Variants in CTSA observed in about 807,000 individuals in gnomAD.
CTSA encodes cathepsin A.
In CTSA, 42 loss-of-function variants were observed where a neutral mutation model predicts 66.7. The observed-to-expected ratio is 0.63, with a 90% CI of 0.49 to 0.81. CTSA has a LOEUF of 0.81. Ranked by LOEUF, CTSA falls within the 40% of genes least tolerant of loss-of-function variation. The probability of loss-of-function intolerance (pLI) is 0.00; values close to 1 mark genes in which losing one functional copy is unlikely to be tolerated. For missense variants in CTSA, 525 were observed against 610.9 expected (o/e 0.86, Z 1.48); for synonymous variants, 225 against 248.6 (o/e 0.91, Z 0.89).
At chr20:45,894,569 C>A in intron 8 of CTSA, 81 bp from the exon 9 acceptor site, 1 of 1,235,952 alleles carries the variant, frequency 8.1e-7, no homozygotes, top group Non-Finnish European at 1.2e-6. Flanking sequence ...AATCCAAGAG[C>A]AGTAAATCTT....
Position 45,892,783 on chromosome 20 carries a change from A to G in CTSA, c.503A>G (p.Lys168Arg), listed in dbSNP as rs764107117. 1 of 1,614,180 alleles carries G rather than the reference A, an allele frequency of 6.2e-7. No homozygotes were observed. Among genetic ancestry groups the G allele is most frequent in the Non-Finnish European group, 8.5e-7 (1 of 1,180,036 alleles). Residue 168 changes from lysine to arginine, a missense_variant, in exon 6 of 15, where the codon AAG (lysine) becomes AGG (arginine). Lys to Arg is a conservative substitution (Grantham distance 26). This residue lies in a region of CTSA where 246 missense variants were observed against 267.4 expected (regional missense o/e 0.92). Coordinates refer to ENST00000646241, the MANE Select transcript of CTSA (RefSeq NM_000308.4). The stretch of plus-strand genomic sequence containing the variant: ...TTCTTCCGCCTCTTTCCGGAGTACA[A>G]GAACAACAAACTTTTCCTGACCGGG... Reference protein sequence around the residue: ...QDFFRLFPEYKNNKLFLTGES... With the variant: ...QDFFRLFPEYRNNKLFLTGES...
At chr20:45,895,266 C>T (rs750248333) in intron 11 of CTSA, 133 bp downstream of exon 11, 12 of 1,007,822 alleles carry the variant, frequency 1.2e-5, no homozygotes, top group Non-Finnish European at 1.7e-5. Context: ...AACATCCATC[C>T]CTGACCCCTC....
rs1445209447 is a variant in CTSA at position 45,898,299 on chromosome 20, C to T, written c.1360-68C>T. The T allele has an allele frequency of 4.2e-6, 6 of 1,430,564 alleles. No individual in the cohort carries two copies. The highest frequency in any genetic ancestry group is 5.8e-6 in the Non-Finnish European group (6 of 1,026,092). 88.6% of individuals were successfully genotyped at this position (1,430,564 alleles called of 1,614,324 possible). On this transcript the variant is annotated intron_variant, in intron 14 of 14. Coordinates refer to ENST00000646241, the MANE Select transcript of CTSA (RefSeq NM_000308.4). The surrounding 1 kb of genome is among the most constrained non-coding windows in gnomAD (Gnocchi z 4.6). ...AAGGGTTTGGGATGAAGGAATTGCCCCCGAGTGAGCAGTTATATGGGGAGG... is the reference window on the plus strand; with the variant it reads ...AAGGGTTTGGGATGAAGGAATTGCCTCCGAGTGAGCAGTTATATGGGGAGG...
At chr20:45,892,075 G>C in intron 3 of CTSA, 48 bp downstream of exon 3, 1 of 1,561,076 alleles carries the variant, frequency 6.4e-7, no homozygotes, top group Non-Finnish European at 8.8e-7. Context: ...TAAAAGGCTG[G>C]GGAAAGCGAG....
At position 45,898,508 on chromosome 20, in the gene CTSA, G is replaced by A; in HGVS notation, c.*58G>A. On this transcript the variant is annotated 3_prime_UTR_variant, in exon 15 of 15. Transcript: ENST00000646241. The surrounding 1 kb of genome is among the most constrained non-coding windows in gnomAD (Gnocchi z 4.6). ...AGCCCCTCCCAGCCTCTCCCGCTAG[G>A]AGAGTCCTCTTCTAAGCAAAGTGCC... The A allele has an allele frequency of 2.0e-6, 3 of 1,536,500 alleles. No homozygotes were observed. The highest frequency in any genetic ancestry group is 2.3e-5 in the South Asian group (2 of 88,872).
chr20:45,897,915 G>A (rs2083128193), intron 13 of CTSA, 90 bp from the exon 14 acceptor site: 2 of 1,545,734 alleles, frequency 1.3e-6, no homozygotes, highest in Middle Eastern at 1.7e-4. Context: ...CAGAGGGCAA[G>A]TGTGGAGGAA....
chr20:45,896,886 T>C, intron 11 of CTSA, 79 bp from the exon 12 acceptor site: 1 of 1,162,126 alleles, frequency 8.6e-7, no homozygotes, highest in Non-Finnish European at 1.3e-6. Flanking sequence ...AGCTTGGAGA[T>C]AGGAGAGAAG....
chr20:45,897,075 C>A, intron 12 of CTSA, 35 bp downstream of exon 12: 1 of 1,524,194 alleles, frequency 6.6e-7, no homozygotes, highest in Non-Finnish European at 9.1e-7. Flanking sequence ...TCACCAGCAG[C>A]CTTAGGACCC....
At chr20:45,895,271 C>CCA in intron 11 of CTSA, 138 bp downstream of exon 11, 1 of 976,662 alleles carries the variant, frequency 1.0e-6, no homozygotes, top group Non-Finnish European at 1.6e-6. Context: ...CCATCCCTGA[C>CCA]CCCTCAGTGG....
chr20:45,896,053 G>C (rs1332542083), intron 11 of CTSA, among the ~76,000 whole-genome samples: 4 of 152,162 alleles, frequency 2.6e-5, no homozygotes, highest in Non-Finnish European at 5.9e-5. Context: ...CAATTAGCCA[G>C]GTGTGCTGTT....
chr20:45,897,081 G>A (rs1190596309), intron 12 of CTSA, 41 bp downstream of exon 12: 8 of 1,507,460 alleles, frequency 5.3e-6, no homozygotes, highest in Non-Finnish European at 7.4e-6. Flanking sequence ...GCAGCCTTAG[G>A]ACCCCAGAGT....
Position 45,893,977 on chromosome 20 carries a change from A to G in CTSA, c.693-11A>G. 6.3e-7 allele frequency: 1 copy of G among 1,580,936 alleles called. No individual in the cohort carries two copies. The highest frequency in any genetic ancestry group is 8.7e-7 in the Non-Finnish European group (1 of 1,150,780). On this transcript the variant is annotated splice_polypyrimidine_tract_variant and intron_variant, in intron 7 of 14. Transcript: ENST00000646241. Reference sequence around the variant, plus strand: ...AGCAGCTGATGCGCTTTTCACTCTCATCTCCTACAGGCTTTGGTCTTCTCT... The same window carrying G: ...AGCAGCTGATGCGCTTTTCACTCTCGTCTCCTACAGGCTTTGGTCTTCTCT...
intron 6 of CTSA, 47 bp downstream of exon 6, chr20:45,892,927 C>T (rs879827460): frequency 5.0e-6 from 8 of 1,606,962 alleles, no homozygotes; most frequent in Non-Finnish European, 6.0e-6. Flanking sequence ...GAGGCTGTGG[C>T]CTTACAGTTA....
At chr20:45,897,867 G>A in intron 13 of CTSA, 61 bp downstream of exon 13, 1 of 1,503,844 alleles carries the variant, frequency 6.6e-7, no homozygotes, top group Non-Finnish European at 9.3e-7. Flanking sequence ...GAGCGGGTAT[G>A]CCTGGGAGTG....
Position 45,898,247 on chromosome 20 carries a change from G to T in CTSA, c.1360-120G>T. 7.7e-7 allele frequency: 1 copy of T among 1,300,676 alleles called. No individual in the cohort carries two copies. The highest frequency in any genetic ancestry group is 1.1e-6 in the Non-Finnish European group (1 of 915,818). 80.6% of individuals were successfully genotyped at this position (1,300,676 alleles called of 1,614,324 possible). A position where few individuals can be genotyped will look rare whatever the true frequency, so the allele number is the denominator to read the frequency against. ...CTGTATGGGCAAGTTTTTTTGGAGA[G>T]GGGTGGGGAGGGTTCTGGGAAGAAT... On this transcript the variant is annotated intron_variant, in intron 14 of 14. Coordinates refer to ENST00000646241, the MANE Select transcript of CTSA (RefSeq NM_000308.4). The surrounding 1 kb of genome is among the most constrained non-coding windows in gnomAD (Gnocchi z 4.6).
At chr20:45,892,186 C>T in intron 3 of CTSA, 87 bp from the exon 4 acceptor site, 5 of 1,486,818 alleles carry the variant, frequency 3.4e-6, no homozygotes, top group Non-Finnish European at 4.7e-6. Context: ...AGAGGTTTTA[C>T]CCACATGTAA....
In CTSA at chr20:45,895,006, T is replaced by C. The variant is rs1486713895; in HGVS notation, c.961T>C (p.Ser321Pro). The C allele has an allele frequency of 1.4e-5, 23 of 1,614,126 alleles. No homozygotes were observed. Among genetic ancestry groups the C allele is most frequent in the Non-Finnish European group, 1.7e-5 (20 of 1,180,016 alleles). ...KRMWHQALLR[S>P]GDKVRMDPPC... Reference sequence around the variant, plus strand: ...CTGTGCCTTCCAGGCACTGCTGCGCTCAGGGGATAAAGTGCGCATGGACCC... The same window carrying C: ...CTGTGCCTTCCAGGCACTGCTGCGCCCAGGGGATAAAGTGCGCATGGACCC... The change falls in exon 11 of 15, where the codon TCA (serine) becomes CCA (proline). Residue 321 changes from serine to proline, a missense_variant. Coordinates refer to ENST00000646241, the MANE Select transcript of CTSA (RefSeq NM_000308.4).
intron 3 of CTSA, 76 bp from the exon 4 acceptor site, chr20:45,892,197 A>G (rs1298060982): frequency 1.8e-5 from 28 of 1,523,646 alleles, no homozygotes; most frequent in Non-Finnish European, 2.5e-5. Flanking sequence ...CCACATGTAA[A>G]GTGCCTCTCA....
intron 12 of CTSA, chr20:45,897,374 G>C: frequency 2.0e-6 from 1 of 498,540 alleles, no homozygotes; most frequent in Non-Finnish European, 3.6e-6. Flanking sequence ...GGCCAAGTTA[G>C]GACTAGGTTC....
Sources: allele counts gnomAD v4.1 joint callset (sites outside exome capture counted in the v4.1 genomes callset), GRCh38; gene constraint gnomAD v4.1.1; regional missense constraint gnomAD v4.1.1; non-coding constraint Gnocchi (gnomAD v3.1); transcripts MANE v1.5; gene names NCBI Gene and HGNC (gene_info 2026-07-23, HGNC 2026-07-21).